ACYP2: variants seen among roughly 807,000 people sequenced by gnomAD.
ACYP2 encodes acylphosphatase-2.
ACYP2 carries 12 observed loss-of-function variants against 11.2 expected under a neutral mutation model. That is an observed-to-expected ratio of 1.08 (90% CI 0.69 to 1.74). The LOEUF (loss-of-function observed/expected upper bound fraction) is 1.74, where lower values mean the gene tolerates loss of function less well. ACYP2 is among the 40% of genes most tolerant of loss of function. ACYP2 has a pLI of 0.00. For synonymous variants in ACYP2, 43 were observed against 32.2 expected, an observed-to-expected ratio of 1.33 and a Z score of -1.13; for missense variants, 134 against 101.9, an observed-to-expected ratio of 1.31 and a Z score of -1.35.
chr2:54,232,514 G>A (rs748783208), intron 6 of ACYP2, among the ~76,000 whole-genome samples: 1 of 152,136 alleles, frequency 6.6e-6, no homozygotes, highest in African/African-American at 2.4e-5. Context: ...AAATCGCATG[G>A]GCATCATGGA....
intron 4 of ACYP2, among the ~76,000 whole-genome samples, chr2:54,120,695 C>T (rs1559039): frequency 0.16 from 24,580 of 152,190 alleles, 2,368 homozygotes; most frequent in African/African-American, 0.27. Context: ...TGCGCTCAGG[C>T]TGTGCTACTG....
intron 6 of ACYP2, among the ~76,000 whole-genome samples, chr2:54,225,130 A>G (rs941238434): frequency 6.6e-6 from 1 of 152,202 alleles, no homozygotes; most frequent in Non-Finnish European, 1.5e-5. Flanking sequence ...CAGTGTGCTG[A>G]GTGCCATGTT....
chr2:54,150,971 G>A (rs1682138654), intron 6 of ACYP2, among the ~76,000 whole-genome samples: 1 of 148,364 alleles, frequency 6.7e-6, no homozygotes, highest in Non-Finnish European at 1.5e-5. Context: ...TCGATCTCCT[G>A]ACCTCGTGAT....
chr2:54,184,447 C>T (rs1452276932), intron 6 of ACYP2, among the ~76,000 whole-genome samples: 2 of 152,052 alleles, frequency 1.3e-5, no homozygotes, highest in Non-Finnish European at 2.9e-5. Context: ...CAAGGGCATC[C>T]TGGCCAGGAC....
At chr2:54,246,882 T>C (rs1421386343) in intron 6 of ACYP2, among the ~76,000 whole-genome samples, 2 of 152,176 alleles carry the variant, frequency 1.3e-5, no homozygotes, top group African/African-American at 2.4e-5. Flanking sequence ...ATTTCTACCA[T>C]TGATTTCAAC....
intron 3 of ACYP2, chr2:54,051,397 G>A (rs1290028956): frequency 6.8e-6 from 5 of 739,072 alleles, no homozygotes; most frequent in Non-Finnish European, 1.2e-5. Context: ...CATGGCAAAG[G>A]TAGAGAAGGC....
chr2:54,297,567 T>G lies in ACYP2; in HGVS notation c.405-7121T>G, dbSNP rs186062157. Among the ~76,000 whole-genome samples the G allele has an allele frequency of 2.9e-3, 434 of 152,242 alleles. 3 individuals are homozygous for G. Among genetic ancestry groups the G allele is most frequent in the African/African-American group, 0.01 (422 of 41,552 alleles). Reference sequence around the variant, plus strand: ...AATGTGATAAAATGGACTAACAGAATGAATTTGGGGAAAATAATTCAGGAA... The same window carrying G: ...AATGTGATAAAATGGACTAACAGAAGGAATTTGGGGAAAATAATTCAGGAA... On this transcript the variant is annotated intron_variant, in intron 6 of 6. Transcript: ENST00000607452.
chr2:54,065,748 A>G, intron 4 of ACYP2: 1 of 373,416 alleles, frequency 2.7e-6, no homozygotes. Flanking sequence ...CTCATTCATG[A>G]GGAAACTCTA....
At chr2:54,284,932 A>G (rs554606823) in intron 6 of ACYP2, among the ~76,000 whole-genome samples, 1 of 152,332 alleles carries the variant, frequency 6.6e-6, no homozygotes, top group East Asian at 1.9e-4. Flanking sequence ...TTTGCTGAGC[A>G]TCTTCGTTTC....
chr2:54,194,817 T>C (rs976186744), intron 6 of ACYP2, among the ~76,000 whole-genome samples: 1 of 152,194 alleles, frequency 6.6e-6, no homozygotes, highest in African/African-American at 2.4e-5. Context: ...TTATGAACCT[T>C]TATACCTTCT....
chr2:54,244,959 T>G (rs1686885310), intron 6 of ACYP2, among the ~76,000 whole-genome samples: 1 of 152,198 alleles, frequency 6.6e-6, no homozygotes, highest in African/African-American at 2.4e-5. Context: ...CACCCTATAG[T>G]GCTATAAAAC....
chr2:54,147,090 C>T (rs528549592), intron 6 of ACYP2, among the ~76,000 whole-genome samples: 2 of 152,178 alleles, frequency 1.3e-5, no homozygotes, highest in African/African-American at 2.4e-5. Flanking sequence ...GCCACCGTGC[C>T]TGGCTGCTTT....
At chr2:54,135,403 C>T (rs769125665) in intron 4 of ACYP2, 50 bp from the exon 2 acceptor site, 20 of 1,578,832 alleles carry the variant, frequency 1.3e-5, no homozygotes, top group Non-Finnish European at 1.7e-6. Flanking sequence ...AACATATAAC[C>T]TTTTAAAGGA....
intron 2 of ACYP2, among the ~76,000 whole-genome samples, chr2:54,049,414 T>C (rs1156652075): frequency 6.6e-6 from 1 of 152,198 alleles, no homozygotes; most frequent in Non-Finnish European, 1.5e-5. Flanking sequence ...TCTATTGGCT[T>C]CCTATCCACA....
intron 4 of ACYP2, among the ~76,000 whole-genome samples, chr2:54,098,886 C>G (rs2103697588): frequency 6.6e-6 from 1 of 152,244 alleles, no homozygotes; most frequent in East Asian, 1.9e-4. Context: ...CACCAATACA[C>G]TAGGTTAATT....
chr2:54,239,743 T>C (rs1208871303), intron 6 of ACYP2, among the ~76,000 whole-genome samples: 2 of 152,142 alleles, frequency 1.3e-5, no homozygotes, highest in African/African-American at 4.8e-5. Flanking sequence ...TTACCACCCA[T>C]GGTGACCTAA....
At chr2:54,289,639 G>A (rs1029701669) in intron 6 of ACYP2, among the ~76,000 whole-genome samples, 2 of 151,798 alleles carry the variant, frequency 1.3e-5, no homozygotes, top group Admixed American at 1.3e-4. Context: ...CATTTGTGCC[G>A]AAAAATATTG....
intron 2 of ACYP2, among the ~76,000 whole-genome samples, chr2:54,041,943 A>T (rs554146766): frequency 6.6e-6 from 1 of 151,254 alleles, no homozygotes; most frequent in Non-Finnish European, 1.5e-5. Flanking sequence ...GGCATGAGAC[A>T]CCTCACACAG....
At chr2:54,026,469 A>C (rs903288479) in intron 2 of ACYP2, among the ~76,000 whole-genome samples, 1 of 152,228 alleles carries the variant, frequency 6.6e-6, no homozygotes, top group South Asian at 2.1e-4. Context: ...GGGAATGTAA[A>C]CTAGTACAAC....
Sources: gnomAD v4.1 joint callset for allele counts (sites outside exome capture counted in the v4.1 genomes callset) on GRCh38, gnomAD v4.1.1 for gene constraint, MANE v1.5 for transcripts, NCBI Gene and HGNC (gene_info 2026-07-23, HGNC 2026-07-21) for gene names.